Variants in USP34 observed in about 807,000 individuals in gnomAD.
USP34 encodes the protein ubiquitin carboxyl-terminal hydrolase 34.
A neutral mutation model predicts 460.3 loss-of-function variants in USP34; 70 were observed. The ratio of observed to expected loss-of-function variants is 0.15; its 90% CI spans 0.13 to 0.19. The LOEUF (loss-of-function observed/expected upper bound fraction) is 0.19, where lower values mean the gene tolerates loss of function less well. USP34 is among the 10% of genes least tolerant of loss of function. The pLI, the probability that USP34 is intolerant of heterozygous loss-of-function variation, is 1.00. For missense variants in USP34, 3,985 were observed against 4,236.2 expected (o/e 0.94, Z 1.65); for synonymous variants, 1,647 against 1,405.3 (o/e 1.17, Z -3.85).
At chr2:61,454,842 C>A (rs1322079962) in intron 1 of USP34, among the ~76,000 whole-genome samples, 1 of 151,230 alleles carries the variant, frequency 6.6e-6, no homozygotes, top group Admixed American at 6.6e-5. Context: ...GCCGCCACAC[C>A]CAGCAAATAT....
At chr2:61,307,875 CCT>C (rs1223893269) in intron 27 of USP34, among the ~76,000 whole-genome samples, 1 of 151,862 alleles carries the variant, frequency 6.6e-6, no homozygotes, top group Non-Finnish European at 1.5e-5. Flanking sequence ...ATGGCAAAAC[CCT>C]GTCTCTACAA....
chr2:61,434,695 C>A (rs1041793185), intron 1 of USP34, among the ~76,000 whole-genome samples: 2 of 151,998 alleles, frequency 1.3e-5, no homozygotes, highest in Admixed American at 1.3e-4. Context: ...CCAAGGCCAA[C>A]ACACTCCACT....
Position 61,283,289 on chromosome 2 carries a change from C to A in USP34, c.4874-20G>T, listed in dbSNP as rs754375015. 6.2e-7 allele frequency: 1 copy of A among 1,608,452 alleles called. No individual in the cohort carries two copies. Among genetic ancestry groups the A allele is most frequent in the Non-Finnish European group, 8.5e-7 (1 of 1,177,672 alleles). ...GTGAAACTAAAGAAAAATTAGAAAA[C>A]AGTTCACTATAAAAGGTTTGTGCTA... On this transcript the variant is annotated intron_variant, in intron 36 of 79. Transcript: ENST00000398571.
At chr2:61,375,454 T>G (rs576989457) in intron 8 of USP34, among the ~76,000 whole-genome samples, 1 of 152,182 alleles carries the variant, frequency 6.6e-6, no homozygotes, top group Non-Finnish European at 1.5e-5. Context: ...ATGTTTATAA[T>G]GGCATTATTT....
chr2:61,198,223 C>G (rs1686864668), intron 75 of USP34, among the ~76,000 whole-genome samples: 1 of 152,184 alleles, frequency 6.6e-6, no homozygotes, highest in African/African-American at 2.4e-5. Flanking sequence ...TTTTTCTGTA[C>G]ATGTACTAAG....
chr2:61,300,834 AAGG>A (rs1389597392), intron 29 of USP34, 114 bp downstream of exon 29: 7 of 691,434 alleles, frequency 1.0e-5, no homozygotes, highest in Non-Finnish European at 1.5e-5. Context: ...AAAAAAAAAA[AAGG>A]AGAGAAAATT....
Position 61,281,094 on chromosome 2 carries a change from A to G in USP34, c.5147T>C (p.Ile1716Thr), listed in dbSNP as rs1480476949. ...FLPDAQALKP[I>T]RIDDYEEEPI... ...CTAAACACAGTAAAATCTTACCCTA[A>G]TAGGTTTGAGTGCTTGAGCATCAGG... Residue 1716 changes from isoleucine to threonine, a missense_variant, in exon 38 of 80, where the codon ATT becomes ACT. Transcript: ENST00000398571. 2.5e-6 allele frequency: 4 copies of G among 1,613,262 alleles called. No individual in the cohort carries two copies. In the Admixed American group the frequency reaches 6.7e-5, roughly 27 times the overall value.
At chr2:61,307,054 T>C (rs572733493) in intron 27 of USP34, among the ~76,000 whole-genome samples, 4,447 of 152,084 alleles carry the variant, frequency 0.029, 225 homozygotes, top group African/African-American at 0.1. Context: ...AGCAAAGACT[T>C]GGAACCAACC....
intron 5 of USP34, among the ~76,000 whole-genome samples, chr2:61,390,527 T>A (rs1280785813): frequency 6.6e-6 from 1 of 152,248 alleles, no homozygotes; most frequent in Admixed American, 6.5e-5. Flanking sequence ...GTGCAGCTGT[T>A]ATTAAAGAAC....
chr2:61,414,674 G>A (rs529282048), intron 2 of USP34, among the ~76,000 whole-genome samples: 1 of 152,302 alleles, frequency 6.6e-6, no homozygotes, highest in South Asian at 2.1e-4. Flanking sequence ...AACAACAAAA[G>A]CAGAGATTTA....
At chr2:61,297,643 T>G (rs1690068947) in intron 29 of USP34, among the ~76,000 whole-genome samples, 1 of 152,224 alleles carries the variant, frequency 6.6e-6, no homozygotes, top group Non-Finnish European at 1.5e-5. Context: ...CAGTGATTCT[T>G]TGGTATAACA....
Position 61,188,452 on chromosome 2 carries a change from T to C in USP34, c.10291A>G (p.Arg3431Gly). 6.2e-7 allele frequency: 1 copy of C among 1,614,208 alleles called. No individual in the cohort carries two copies. The highest frequency in any genetic ancestry group is 1.7e-5 in the Admixed American group (1 of 60,024). The change falls in exon 80 of 80, where the codon AGG becomes GGG. Residue 3431 changes from arginine (R) to glycine (G), a missense_variant. Physicochemically the swap from Arg to Gly is moderately radical, Grantham distance 125. Transcript: ENST00000398571. ...SSFSEDMSNI[R>G]SQHAEEQSNN... Reference sequence around the variant, plus strand: ...GACTGTTCTTCTGCATGCTGTGACCTGATATTTGACATGTCTTCTGAAAAC... The same window carrying C: ...GACTGTTCTTCTGCATGCTGTGACCCGATATTTGACATGTCTTCTGAAAAC...
intron 58 of USP34, among the ~76,000 whole-genome samples, chr2:61,231,449 A>T (rs1003852375): frequency 6.6e-6 from 1 of 152,218 alleles, no homozygotes; most frequent in East Asian, 1.9e-4. Flanking sequence ...TCAGTGGCTC[A>T]CAACTATAAT....
intron 10 of USP34, among the ~76,000 whole-genome samples, chr2:61,366,226 T>G (rs930400364): frequency 6.6e-6 from 1 of 152,106 alleles, no homozygotes; most frequent in African/African-American, 2.4e-5. Context: ...GCCCAGACAG[T>G]GAATACCTTT....
Position 61,348,149 on chromosome 2 carries a change from C to T in USP34, c.2006G>A (p.Ser669Asn). 1.2e-6 allele frequency: 2 copies of T among 1,614,218 alleles called. No individual in the cohort carries two copies. Among genetic ancestry groups the T allele is most frequent in the East Asian group, 2.2e-5 (1 of 44,880 alleles). Residue 669 changes from serine to asparagine, a missense_variant, in exon 15 of 80, where the codon AGC (serine) becomes AAC (asparagine). Ser to Asn is a conservative substitution (Grantham distance 46). Coordinates refer to ENST00000398571, the MANE Select transcript of USP34 (RefSeq NM_014709.4). The part of the protein sequence containing the change: ...QGMSERNGTS[S>N]GTGKDLVFNT... The stretch of plus-strand genomic sequence containing the variant: ...AAAAACCAGGTCCTTTCCTGTTCCG[C>T]TGCTTGTCCCATTTCTTTCTGACAT...
intron 41 of USP34, among the ~76,000 whole-genome samples, chr2:61,266,958 G>A (rs888147732): frequency 1.3e-5 from 2 of 152,184 alleles, no homozygotes; most frequent in Non-Finnish European, 2.9e-5. Context: ...CAGGAGTCTG[G>A]AGTTGGGGCA....
intron 15 of USP34, among the ~76,000 whole-genome samples, chr2:61,345,524 G>A (rs557475780): frequency 1.3e-5 from 2 of 152,162 alleles, no homozygotes; most frequent in South Asian, 4.1e-4. Flanking sequence ...AGTATCACTC[G>A]TAACGACAAT....
At chr2:61,390,916 G>A (rs1256683523) in intron 5 of USP34, among the ~76,000 whole-genome samples, 2 of 151,984 alleles carry the variant, frequency 1.3e-5, no homozygotes, top group Non-Finnish European at 2.9e-5. Flanking sequence ...CCAACATGGT[G>A]AAACCCCATC....
intron 75 of USP34, chr2:61,199,880 GGTCT>G (rs1246885703): frequency 1.3e-5 from 2 of 152,252 alleles, no homozygotes; most frequent in East Asian, 1.9e-4. Context: ...GGTGAGAAAA[GGTCT>G]GTGATATCTT....
Sources: gnomAD v4.1 joint callset for allele counts (sites outside exome capture counted in the v4.1 genomes callset) on GRCh38, gnomAD v4.1.1 for gene constraint, MANE v1.5 for transcripts, NCBI Gene and HGNC (gene_info 2026-07-23, HGNC 2026-07-21) for gene names.